The following ZMYM2 variants were observed in gnomAD, a reference collection of about 807,000 sequenced individuals.
The protein encoded by ZMYM2 is zinc finger MYM-type containing 2.
A neutral mutation model predicts 162.8 loss-of-function variants in ZMYM2; 56 were observed. The observed-to-expected ratio is 0.34, with a 90% confidence interval of 0.28 to 0.43. The LOEUF (loss-of-function observed/expected upper bound fraction) is 0.43. Ranked by LOEUF, ZMYM2 falls within the 20% of genes least tolerant of loss-of-function variation. ZMYM2 has a pLI of 1.00. For missense variants in ZMYM2, 1,275 were observed against 1,621.8 expected, an observed-to-expected ratio of 0.79 and a Z score of 3.67; for synonymous variants, 510 against 541.6, an observed-to-expected ratio of 0.94 and a Z score of 0.81.
intron 7 of ZMYM2, among the ~76,000 whole-genome samples, chr13:20,021,285 C>G (rs1332387858): frequency 6.6e-6 from 1 of 151,046 alleles, no homozygotes; most frequent in Non-Finnish European, 1.5e-5. Context: ...TTACTGTTTT[C>G]ATATCTGCCA....
chr13:20,048,426 C>A (rs1452370999), intron 12 of ZMYM2, among the ~76,000 whole-genome samples: 1 of 151,848 alleles, frequency 6.6e-6, no homozygotes, highest in East Asian at 1.9e-4. Flanking sequence ...TCCCTGCATT[C>A]TTTTTTAAAA....
chr13:19,936,219 CA>C, the ZMYM2 span, among the ~76,000 whole-genome samples: 1 of 152,002 alleles, frequency 6.6e-6, no homozygotes, highest in Non-Finnish European at 1.5e-5. Context: ...CAGACTTTTC[CA>C]GAATTAAAGG....
rs186702552 is a variant in ZMYM2, at chr13:20,040,342, C to T, written c.2292+3433C>T. Among the ~76,000 whole-genome samples the T allele has an allele frequency of 3.5e-4, 53 of 152,188 alleles. 1 individual carries two copies. Among genetic ancestry groups the T allele is most frequent in the Admixed American group, 3.5e-3 (53 of 15,292 alleles). ...AGGGTGTATGTGTCCAGGAATTTGT[C>T]CATTTCTTCTAGATTTTCTAGTTCA... is the stretch of plus-strand genomic sequence containing the variant. On this transcript the variant is annotated intron_variant, in intron 12 of 24. Coordinates refer to ENST00000610343, the MANE Select transcript of ZMYM2 (RefSeq NM_197968.4).
At chr13:20,021,689 C>A (rs1952122486) in intron 7 of ZMYM2, among the ~76,000 whole-genome samples, 1 of 152,056 alleles carries the variant, frequency 6.6e-6, no homozygotes, top group African/African-American at 2.4e-5. Context: ...ACAGAGTACT[C>A]CTGGCCATGT....
the ZMYM2 span, among the ~76,000 whole-genome samples, chr13:19,872,140 C>CTT: frequency 1.6e-4 from 23 of 140,658 alleles, no homozygotes; most frequent in Middle Eastern, 3.8e-3. Flanking sequence ...TGGCTAAGTT[C>CTT]TTTTTTTTTT....
the ZMYM2 span, among the ~76,000 whole-genome samples, chr13:19,925,870 C>CAA: frequency 3.1e-5 from 4 of 129,040 alleles, no homozygotes; most frequent in South Asian, 2.4e-4. Flanking sequence ...GACTCCATCT[C>CAA]AAAAAAAAAA....
intron 9 of ZMYM2, 81 bp downstream of exon 9, chr13:20,027,399 T>C (rs1952682931): frequency 9.9e-7 from 1 of 1,013,734 alleles, no homozygotes; most frequent in Non-Finnish European, 1.3e-6. Flanking sequence ...TATGCTTTAT[T>C]TTATCTTAAT....
chr13:19,946,802 CAA>C, the ZMYM2 span, among the ~76,000 whole-genome samples: 1 of 152,174 alleles, frequency 6.6e-6, no homozygotes, highest in African/African-American at 2.4e-5. Flanking sequence ...GTTACCACCA[CAA>C]AGTGTACATT....
chr13:20,007,371 A>G (rs1475481841), intron 6 of ZMYM2, among the ~76,000 whole-genome samples: 1 of 152,094 alleles, frequency 6.6e-6, no homozygotes, highest in Non-Finnish European at 1.5e-5. Flanking sequence ...TCCTGACCCC[A>G]GGTGATCCAC....
intron 6 of ZMYM2, among the ~76,000 whole-genome samples, chr13:20,007,290 C>G (rs1161544987): frequency 6.6e-6 from 1 of 152,012 alleles, no homozygotes; most frequent in Non-Finnish European, 1.5e-5. Flanking sequence ...CATGCGCCAC[C>G]ACACCCGGCT....
chr13:19,888,006 C>T, the ZMYM2 span, among the ~76,000 whole-genome samples: 4 of 151,384 alleles, frequency 2.6e-5, no homozygotes, highest in African/African-American at 7.3e-5. Context: ...CTCAGCCTCC[C>T]GAGTAGCTGG....
At chr13:19,948,029 T>G in the ZMYM2 span, among the ~76,000 whole-genome samples, 1 of 149,520 alleles carries the variant, frequency 6.7e-6, no homozygotes, top group Non-Finnish European at 1.5e-5. Context: ...TACATCAACA[T>G]GATTATAAAG....
the ZMYM2 span, among the ~76,000 whole-genome samples, chr13:19,905,569 G>A: frequency 6.6e-6 from 1 of 152,152 alleles, no homozygotes; most frequent in African/African-American, 2.4e-5. Flanking sequence ...AGGAGAGACA[G>A]CCCTTGTGCC....
the ZMYM2 span, among the ~76,000 whole-genome samples, chr13:19,940,692 T>G: frequency 6.6e-6 from 1 of 152,226 alleles, no homozygotes; most frequent in Non-Finnish European, 1.5e-5. Context: ...TTTCCTTGAC[T>G]ACAATTCAAT....
chr13:19,940,966 C>T, the ZMYM2 span, among the ~76,000 whole-genome samples: 4 of 152,210 alleles, frequency 2.6e-5, no homozygotes, highest in East Asian at 5.8e-4. Flanking sequence ...AACAACTAAA[C>T]TTGTATTATT....
intron 2 of ZMYM2, among the ~76,000 whole-genome samples, chr13:19,990,669 T>C (rs1228468019): frequency 2.6e-5 from 4 of 152,234 alleles, no homozygotes; most frequent in Non-Finnish European, 4.4e-5. Context: ...ACCACTGTCA[T>C]CTGTAAATCA....
chr13:19,892,906 G>A, the ZMYM2 span, among the ~76,000 whole-genome samples: 1 of 150,920 alleles, frequency 6.6e-6, no homozygotes, highest in African/African-American at 2.4e-5. Flanking sequence ...GTAGAGACGG[G>A]GTTTCACCAT....
At chr13:19,894,100 A>AACAC in the ZMYM2 span, among the ~76,000 whole-genome samples, 17 of 151,932 alleles carry the variant, frequency 1.1e-4, no homozygotes, top group African/African-American at 3.1e-4. Context: ...ATTAGGATGG[A>AACAC]ACACACATAC....
intron 12 of ZMYM2, among the ~76,000 whole-genome samples, chr13:20,046,579 A>G (rs1168068029): frequency 1.0e-3 from 43 of 41,094 alleles, no homozygotes; most frequent in South Asian, 5.4e-3. Flanking sequence ...ATATATATAT[A>G]TATGTGTGTG....
Sources: gnomAD v4.1 joint callset for allele counts (sites outside exome capture counted in the v4.1 genomes callset) on GRCh38, gnomAD v4.1.1 for gene constraint, MANE v1.5 for transcripts, NCBI Gene and HGNC (gene_info 2026-07-23, HGNC 2026-07-21) for gene names.